Variants in CREB5 observed in about 807,000 individuals in gnomAD.
The protein encoded by CREB5 is cAMP responsive element binding protein 5, also known as cyclic AMP-responsive element-binding protein 5.
CREB5 carries 19 observed loss-of-function variants against 57.1 expected under a neutral mutation model. That is an observed-to-expected ratio of 0.33 (90% CI 0.23 to 0.49). CREB5 has a LOEUF of 0.49. Ranked by LOEUF, CREB5 falls within the 20% of genes least tolerant of loss-of-function variation. The pLI is 0.99. For missense variants in CREB5, 579 were observed against 671.6 expected (o/e 0.86, Z 1.52); for synonymous variants, 238 against 238.3 (o/e 1.00, Z 0.01).
upstream of CREB5, among the ~76,000 whole-genome samples, chr7:28,411,481 G>C (rs893670685): frequency 1.5e-5 from 2 of 132,814 alleles, no homozygotes; most frequent in African/African-American, 2.8e-5. Context: ...CAGAACCTCC[G>C]TATCTGGCAG....
rs140545768 is a variant in CREB5, at chr7:28,572,810, T to A, written c.464+2273T>A. ...TGTAGGCTGTGTCACCATGCCTGGA[T>A]GGAGGCGGGTGTTTCTGTGGTATGG... On this transcript the variant is annotated intron_variant, in intron 5 of 10. Transcript: ENST00000357727. Among the ~76,000 whole-genome samples, 1,180 of 152,328 alleles carry A rather than the reference T, an allele frequency of 7.7e-3. 9 individuals are homozygous for A. Among genetic ancestry groups the A allele is most frequent in the Admixed American group, 0.012 (178 of 15,302 alleles).
intron 3 of CREB5, 115 bp downstream of exon 3, chr7:28,495,114 C>T: frequency 1.6e-6 from 1 of 611,946 alleles, no homozygotes. Flanking sequence ...TGAAAATACA[C>T]ATTTCTAAGG....
At chr7:28,777,282 A>C (rs1440615625) in intron 7 of CREB5, among the ~76,000 whole-genome samples, 1 of 152,208 alleles carries the variant, frequency 6.6e-6, no homozygotes, top group Non-Finnish European at 1.5e-5. Flanking sequence ...ATGTGCTACT[A>C]TCCGGTGCTT....
intron 7 of CREB5, among the ~76,000 whole-genome samples, chr7:28,790,040 G>C (rs141848977): frequency 8.5e-4 from 129 of 152,276 alleles, no homozygotes; most frequent in African/African-American, 3.0e-3. Flanking sequence ...AAGCACTTAG[G>C]TGCATTTTCT....
chr7:28,356,396 G>A (rs1786343539), intron 1 of CREB5, among the ~76,000 whole-genome samples: 1 of 152,152 alleles, frequency 6.6e-6, no homozygotes, highest in African/African-American at 2.4e-5. Context: ...CTTAGCAATA[G>A]GTTTTATTTT....
At chr7:28,673,121 A>G (rs1236362180) in intron 5 of CREB5, among the ~76,000 whole-genome samples, 3 of 152,316 alleles carry the variant, frequency 2.0e-5, no homozygotes, top group South Asian at 2.1e-4. Flanking sequence ...CCAGAGTAAT[A>G]CAAGGATTTT....
At chr7:28,644,988 A>T (rs981534228) in intron 5 of CREB5, among the ~76,000 whole-genome samples, 1 of 152,144 alleles carries the variant, frequency 6.6e-6, no homozygotes, top group African/African-American at 2.4e-5. Context: ...AACAACGCGT[A>T]CCTTGGCCAA....
chr7:28,560,945 T>TGC lies in CREB5; in HGVS notation c.292-9419_292-9418insCG, dbSNP rs74219241. On this transcript the variant is annotated intron_variant, in intron 4 of 10. Transcript: ENST00000357727. The stretch of plus-strand genomic sequence containing the variant: ...GTGCGCGTGCGTGTGTGCGTGCGTG[T>TGC]GTGTGCGTGTGTGTGCGTGTGTGTG... 6.1e-3 allele frequency among the ~76,000 whole-genome samples: 145 copies of TGC among 23,762 alleles called. 8 individuals are homozygous for TGC. The highest frequency in any genetic ancestry group is 9.4e-3 in the Non-Finnish European group (110 of 11,762). 15.6% of individuals were successfully genotyped at this position (23,762 alleles called of 152,430 possible).
chr7:28,302,956 A>C (rs73080554), intron 1 of CREB5, among the ~76,000 whole-genome samples: 19,572 of 152,112 alleles, frequency 0.13, 1,565 homozygotes, highest in South Asian at 0.25. Context: ...CTCTCCCATC[A>C]CCCCTCACCA....
chr7:28,375,869 C>G (rs1010740097), intron 1 of CREB5, among the ~76,000 whole-genome samples: 1 of 152,132 alleles, frequency 6.6e-6, no homozygotes, highest in East Asian at 1.9e-4. Context: ...TGCTTTAATC[C>G]TCACAACTCT....
intron 4 of CREB5, among the ~76,000 whole-genome samples, chr7:28,564,367 A>G (rs17156849): frequency 0.083 from 12,567 of 152,266 alleles, 584 homozygotes; most frequent in South Asian, 0.11. Context: ...TTCACTTTCA[A>G]TTGTGGTCCA....
chr7:28,608,984 T>C (rs1489091357), intron 5 of CREB5: 1 of 152,196 alleles, frequency 6.6e-6, no homozygotes. Flanking sequence ...ATGACCTGCT[T>C]GTATATCACG....
intron 5 of CREB5, among the ~76,000 whole-genome samples, chr7:28,640,728 C>T (rs995074083): frequency 1.3e-5 from 2 of 152,256 alleles, no homozygotes; most frequent in African/African-American, 4.8e-5. Context: ...TTACACACCT[C>T]CTGCAAATGT....
intron 4 of CREB5, among the ~76,000 whole-genome samples, chr7:28,522,523 G>A (rs1247677460): frequency 6.6e-6 from 1 of 150,966 alleles, no homozygotes; most frequent in Admixed American, 6.6e-5. Flanking sequence ...AGCCTCCCAA[G>A]TAGCTGGGAT....
intron 2 of CREB5, among the ~76,000 whole-genome samples, chr7:28,493,537 G>A (rs1258368687): frequency 2.0e-5 from 3 of 152,182 alleles, no homozygotes; most frequent in African/African-American, 7.2e-5. Flanking sequence ...GGATGATTGG[G>A]TAGCCACTAT....
chr7:28,719,483 A>T lies in CREB5; in HGVS notation c.591+604A>T, dbSNP rs531905717. 1.1e-3 allele frequency among the ~76,000 whole-genome samples: 166 copies of T among 152,330 alleles called. 1 individual carries two copies. The highest frequency in any genetic ancestry group is 3.9e-3 in the African/African-American group (164 of 41,582). On this transcript the variant is annotated intron_variant, in intron 6 of 10. Coordinates refer to ENST00000357727, the MANE Select transcript of CREB5 (RefSeq NM_182898.4). Reference sequence around the variant, plus strand: ...GAAAGGCAAGTAACTTGCTCAGCTGAGAAGCAGAGTGGCTGAGTTTTGAAC... The same window carrying T: ...GAAAGGCAAGTAACTTGCTCAGCTGTGAAGCAGAGTGGCTGAGTTTTGAAC...
intron 1 of CREB5, among the ~76,000 whole-genome samples, chr7:28,387,855 G>A (rs1787143168): frequency 6.6e-6 from 1 of 152,008 alleles, no homozygotes; most frequent in Non-Finnish European, 1.5e-5. Context: ...TGTTTTGAGA[G>A]TACCTTATTA....
intron 5 of CREB5, among the ~76,000 whole-genome samples, chr7:28,692,831 C>T (rs1331895772): frequency 6.6e-6 from 1 of 152,162 alleles, no homozygotes; most frequent in Non-Finnish European, 1.5e-5. Flanking sequence ...TGGGTTACAA[C>T]AAGAGTAATT....
At chr7:28,709,262 T>C (rs1453199956) in intron 5 of CREB5, among the ~76,000 whole-genome samples, 2 of 152,174 alleles carry the variant, frequency 1.3e-5, no homozygotes, top group African/African-American at 2.4e-5. Flanking sequence ...TTTTAGGGTC[T>C]TTAATGAAAG....
Sources: allele counts gnomAD v4.1 joint callset (sites outside exome capture counted in the v4.1 genomes callset), GRCh38; gene constraint gnomAD v4.1.1; transcripts MANE v1.5; gene names NCBI Gene and HGNC (gene_info 2026-07-23, HGNC 2026-07-21).